The following TSHZ2 variants were observed in gnomAD, a reference collection of about 807,000 sequenced individuals.
TSHZ2 encodes teashirt homolog 2.
In TSHZ2, 21 loss-of-function variants were observed where a neutral mutation model predicts 74.4. That is an observed-to-expected ratio of 0.28 (90% CI 0.20 to 0.41). TSHZ2 has a LOEUF of 0.41. TSHZ2 is among the 10% of genes least tolerant of loss of function. TSHZ2 has a pLI of 1.00. For synonymous variants in TSHZ2, 540 were observed against 515.3 expected (o/e 1.05, Z -0.65); for missense variants, 1,244 against 1,293.5 (o/e 0.96, Z 0.59).
chr20:53,475,892 T>A (rs1600669643), intron 2 of TSHZ2, among the ~76,000 whole-genome samples: 2 of 123,836 alleles, frequency 1.6e-5, no homozygotes, highest in Admixed American at 8.0e-5. Flanking sequence ...TCTATGCAAA[T>A]AAACTAGAAA....
In TSHZ2 at chr20:53,489,433, C is replaced by T. The variant is rs2741373; in HGVS notation, c.*2298C>T. On this transcript the variant is annotated 3_prime_UTR_variant, in exon 3 of 3. Coordinates refer to ENST00000371497, the MANE Select transcript of TSHZ2 (RefSeq NM_173485.6). ...ATCAATGCATTAGTATTGGGGTTCT[C>T]GTAGCTGTTAAAAATTGTCTGCTCC... 0.75 allele frequency: 236,476 copies of T among 316,990 alleles called. 89,911 individuals carry two copies. The highest frequency in any genetic ancestry group is 0.94 in the African/African-American group (43,316 of 46,240). 19.6% of individuals were successfully genotyped at this position (316,990 alleles called of 1,614,324 possible).
chr20:53,380,318 G>C (rs1981813527), intron 2 of TSHZ2, among the ~76,000 whole-genome samples: 1 of 152,170 alleles, frequency 6.6e-6, no homozygotes, highest in African/African-American at 2.4e-5. Context: ...AGCAGTTACA[G>C]AGTCTTATAT....
In TSHZ2 at chr20:53,387,304, C is replaced by T. The variant is rs987397687; in HGVS notation, c.*9-99840C>T. 1.9e-4 allele frequency among the ~76,000 whole-genome samples: 29 copies of T among 152,202 alleles called. 1 individual carries two copies. The highest frequency in any genetic ancestry group is 1.3e-3 in the Admixed American group (20 of 15,284). On this transcript the variant is annotated intron_variant, in intron 2 of 2. Transcript: ENST00000371497. Reference sequence around the variant, plus strand: ...AAGAAATGCCACTGGAAGTTTCTTCCTAGCTGTGGCCTCTGTTGACCATCT... The same window carrying T: ...AAGAAATGCCACTGGAAGTTTCTTCTTAGCTGTGGCCTCTGTTGACCATCT...
At chr20:53,447,121 G>A (rs1286776835) in intron 2 of TSHZ2, among the ~76,000 whole-genome samples, 1 of 152,178 alleles carries the variant, frequency 6.6e-6, no homozygotes, top group Non-Finnish European at 1.5e-5. Flanking sequence ...ATCAGAGACT[G>A]CTGCATAAGC....
intron 2 of TSHZ2, among the ~76,000 whole-genome samples, chr20:53,481,588 GAAAA>G (rs901303946): frequency 4.8e-5 from 7 of 146,116 alleles, no homozygotes; most frequent in Non-Finnish European, 7.6e-5. Context: ...AAAAAAAATA[GAAAA>G]AAAAAAGAAT....
At chr20:52,982,795 G>A (rs943076254) in intron 1 of TSHZ2, among the ~76,000 whole-genome samples, 7 of 152,152 alleles carry the variant, frequency 4.6e-5, no homozygotes, top group Admixed American at 6.5e-5. Context: ...GGTCAGGGGA[G>A]CTATTTCTCC....
intron 1 of TSHZ2, among the ~76,000 whole-genome samples, chr20:53,118,758 C>T (rs779020543): frequency 6.6e-5 from 10 of 152,148 alleles, no homozygotes; most frequent in Non-Finnish European, 1.5e-4. Flanking sequence ...ATGGCCACAC[C>T]AGAAAGGCAT....
At chr20:52,996,415 T>C (rs1028767460) in intron 1 of TSHZ2, among the ~76,000 whole-genome samples, 9 of 151,950 alleles carry the variant, frequency 5.9e-5, no homozygotes, top group Non-Finnish European at 1.2e-4. Context: ...AAAAAGTTTT[T>C]GTATGTCAGG....
chr20:53,096,454 T>C (rs1398963537), intron 1 of TSHZ2, among the ~76,000 whole-genome samples: 1 of 152,172 alleles, frequency 6.6e-6, no homozygotes, highest in Non-Finnish European at 1.5e-5. Flanking sequence ...GTATTGTTTT[T>C]TAGTACAGGT....
chr20:53,447,249 C>T (rs548255019), intron 2 of TSHZ2, among the ~76,000 whole-genome samples: 64 of 152,202 alleles, frequency 4.2e-4, no homozygotes, highest in African/African-American at 1.3e-3. Flanking sequence ...AATTCCTCCA[C>T]GAATTCCTCC....
chr20:53,453,069 A>G (rs1252212155), intron 2 of TSHZ2: 1 of 152,256 alleles, frequency 6.6e-6, no homozygotes, highest in Non-Finnish European at 1.5e-5. Context: ...TGATCTCTCC[A>G]TAAGCATCCA....
rs1342236744 is a variant in TSHZ2, at chr20:53,074,505, T to C, written c.40+101172T>C. On this transcript the variant is annotated intron_variant, in intron 1 of 2. Coordinates refer to ENST00000371497, the MANE Select transcript of TSHZ2 (RefSeq NM_173485.6). This position sits in a 1 kb window ranked among gnomAD's most constrained non-coding sequence, Gnocchi z 5.9. ...GTGTAAAAGGTAAAGGCAAACCAGA[T>C]TTTTTTAAAGCTTATGATTGTTGGA... Among the ~76,000 whole-genome samples, 1 of 152,066 alleles carries C rather than the reference T, an allele frequency of 6.6e-6. No individual in the cohort carries two copies. The highest frequency in any genetic ancestry group is 1.5e-5 in the Non-Finnish European group (1 of 68,030).
intron 1 of TSHZ2, among the ~76,000 whole-genome samples, chr20:53,210,236 C>T (rs554433533): frequency 4.6e-5 from 7 of 152,272 alleles, no homozygotes; most frequent in East Asian, 1.9e-4. Context: ...ATGGCTAGAG[C>T]GTTAACCAGC....
intron 1 of TSHZ2, among the ~76,000 whole-genome samples, chr20:53,022,843 A>C (rs1474856858): frequency 6.6e-6 from 1 of 152,250 alleles, no homozygotes; most frequent in Non-Finnish European, 1.5e-5. Context: ...GATTGAGATG[A>C]TAAAATATCA....
At chr20:52,997,304 C>T (rs912588171) in intron 1 of TSHZ2, among the ~76,000 whole-genome samples, 1 of 131,752 alleles carries the variant, frequency 7.6e-6, no homozygotes, top group African/African-American at 2.9e-5. Context: ...TCTCGATGCT[C>T]ATCTCTACAG....
intron 1 of TSHZ2, among the ~76,000 whole-genome samples, chr20:53,115,022 G>T (rs569714655): frequency 6.6e-6 from 1 of 152,284 alleles, no homozygotes; most frequent in South Asian, 2.1e-4. Context: ...GATGGATGAA[G>T]TGTCCTTGCA....
At chr20:53,345,423 TC>T (rs1568878243) in intron 2 of TSHZ2, among the ~76,000 whole-genome samples, 1 of 151,834 alleles carries the variant, frequency 6.6e-6, no homozygotes, top group Non-Finnish European at 1.5e-5. Flanking sequence ...ACTTGTCTGG[TC>T]CCCCGTCCCC....
rs372238827 is a variant in TSHZ2 at position 53,091,230 on chromosome 20, G to T, written c.40+117897G>T. 5.9e-4 allele frequency among the ~76,000 whole-genome samples: 90 copies of T among 152,338 alleles called. 2 individuals are homozygous for T. Among genetic ancestry groups the T allele is most frequent in the African/African-American group, 2.0e-3 (85 of 41,588 alleles). The stretch of plus-strand genomic sequence containing the variant: ...ACACTGTTCAAATTCATTTACTTAA[G>T]AAGTGAGTTTATGTAAAGCCTGGAT... On this transcript the variant is annotated intron_variant, in intron 1 of 2. Coordinates refer to ENST00000371497, the MANE Select transcript of TSHZ2 (RefSeq NM_173485.6).
chr20:53,463,637 T>C (rs1302085024), intron 2 of TSHZ2, among the ~76,000 whole-genome samples: 1 of 152,196 alleles, frequency 6.6e-6, no homozygotes, highest in Non-Finnish European at 1.5e-5. Flanking sequence ...ATCTTGGTAG[T>C]GCATTAGAAT....
Sources: allele counts gnomAD v4.1 joint callset (sites outside exome capture counted in the v4.1 genomes callset), GRCh38; gene constraint gnomAD v4.1.1; non-coding constraint Gnocchi (gnomAD v3.1); transcripts MANE v1.5; gene names NCBI Gene and HGNC (gene_info 2026-07-23, HGNC 2026-07-21).